MYO10: variants seen among roughly 807,000 people sequenced by gnomAD.
The protein encoded by MYO10 is unconventional myosin-X.
A neutral mutation model predicts 257.3 loss-of-function variants in MYO10; 133 were observed. That is an observed-to-expected ratio of 0.52 (90% CI 0.45 to 0.60). The LOEUF (loss-of-function observed/expected upper bound fraction) is 0.60, where lower values mean the gene tolerates loss of function less well. Ranked by LOEUF, MYO10 falls within the 20% of genes least tolerant of loss-of-function variation. The pLI is 0.00. For synonymous variants in MYO10, 1,104 were observed against 1,028.6 expected, an observed-to-expected ratio of 1.07 and a Z score of -1.40; for missense variants, 2,399 against 2,635.7, an observed-to-expected ratio of 0.91 and a Z score of 1.97.
At chr5:16,726,052 C>T (rs1370088871) in intron 19 of MYO10, among the ~76,000 whole-genome samples, 1 of 152,296 alleles carries the variant, frequency 6.6e-6, no homozygotes, top group Admixed American at 6.5e-5. Context: ...TCCCAAAGTG[C>T]TGGGATTACA....
intron 17 of MYO10, among the ~76,000 whole-genome samples, chr5:16,760,703 ACG>A (rs1442099197): frequency 6.6e-6 from 1 of 152,096 alleles, no homozygotes. Flanking sequence ...CAGCTTAACC[ACG>A]CAGCTCTAAG....
At chr5:16,850,255 T>C (rs566404369) in intron 2 of MYO10, among the ~76,000 whole-genome samples, 5 of 152,166 alleles carry the variant, frequency 3.3e-5, no homozygotes, top group Non-Finnish European at 5.9e-5. Context: ...CACTCCAACC[T>C]CCAGTTGCTT....
chr5:16,689,796 T>TA, intron 28 of MYO10, 28 bp downstream of exon 28: 1 of 1,549,632 alleles, frequency 6.5e-7, no homozygotes, highest in Non-Finnish European at 8.9e-7. Context: ...AGGATGTGGG[T>TA]AACACAAAGT....
chr5:16,789,634 T>TA (rs1246774660), intron 4 of MYO10, among the ~76,000 whole-genome samples: 4 of 151,636 alleles, frequency 2.6e-5, no homozygotes, highest in South Asian at 2.1e-4. Flanking sequence ...AAAAATACGA[T>TA]AAAAAAAAGT....
chr5:16,933,090 A>C (rs1746333982), intron 1 of MYO10, among the ~76,000 whole-genome samples: 1 of 152,232 alleles, frequency 6.6e-6, no homozygotes. Context: ...AGCGCAGACA[A>C]GGCTGTGCCT....
intron 36 of MYO10, among the ~76,000 whole-genome samples, chr5:16,673,474 T>A (rs950968303): frequency 3.9e-5 from 6 of 152,310 alleles, no homozygotes; most frequent in Non-Finnish European, 4.4e-5. Context: ...AGGTACTTTA[T>A]CTCTGTGTTT....
At position 16,762,533 on chromosome 5, in the gene MYO10, G is replaced by T. The variant is rs768503074; in HGVS notation, c.1587+12C>A. The T allele has an allele frequency of 1.1e-5, 17 of 1,583,242 alleles. No individual in the cohort carries two copies. In the Middle Eastern group the frequency reaches 6.6e-4, roughly 62 times the overall value. On this transcript the variant is annotated intron_variant, in intron 15 of 40. Coordinates refer to ENST00000513610, the MANE Select transcript of MYO10 (RefSeq NM_012334.3). ...ACTCCAATGTGATGAAGAATTGCAG[G>T]TTTTGACATACCGCATGCTGACTGT...
chr5:16,753,962 T>C (rs1026854232), intron 19 of MYO10, among the ~76,000 whole-genome samples: 2 of 152,206 alleles, frequency 1.3e-5, no homozygotes, highest in African/African-American at 4.8e-5. Flanking sequence ...GAGGATGGCA[T>C]CTAGTTCTTT....
intron 1 of MYO10, among the ~76,000 whole-genome samples, chr5:16,903,298 G>C (rs374498965): frequency 2.0e-5 from 3 of 152,186 alleles, no homozygotes; most frequent in South Asian, 2.1e-4. Context: ...CTAGCAACTC[G>C]GGAGGCTGAG....
Position 16,884,827 on chromosome 5 carries a change from G to A in MYO10, c.22-7120C>T, listed in dbSNP as rs556519399. 7.9e-5 allele frequency among the ~76,000 whole-genome samples: 12 copies of A among 152,244 alleles called. No individual in the cohort carries two copies. The South Asian group carries it at 2.5e-3, about 32-fold the overall frequency. ...TCGGTGCTATTGACATTGTGGACTA[G>A]ATGATTCTTTGTTGGGGACTGCAGG... On this transcript the variant is annotated intron_variant, in intron 1 of 40. Transcript: ENST00000513610.
intron 4 of MYO10, among the ~76,000 whole-genome samples, chr5:16,790,798 G>A (rs938796041): frequency 6.6e-6 from 1 of 151,748 alleles, no homozygotes; most frequent in South Asian, 2.1e-4. Flanking sequence ...TGGCCTATAC[G>A]GTGTATGAAA....
rs530973560 is a variant in MYO10, at chr5:16,775,660, T to G, written c.930+3885A>C. Among the ~76,000 whole-genome samples the G allele has an allele frequency of 1.1e-4, 16 of 152,222 alleles. No individual in the cohort carries two copies. In the East Asian group the frequency reaches 1.4e-3, roughly 13 times the overall value. On this transcript the variant is annotated intron_variant, in intron 9 of 40. Coordinates refer to ENST00000513610, the MANE Select transcript of MYO10 (RefSeq NM_012334.3). ...CTCTGTCGCCCAGGCTGGAGTGCAGTGGCGCGATCTCAGCTCACTGCAACC... is the reference window on the plus strand; with the variant it reads ...CTCTGTCGCCCAGGCTGGAGTGCAGGGGCGCGATCTCAGCTCACTGCAACC...
At position 16,701,881 on chromosome 5, in the gene MYO10, A is replaced by G. The variant is rs777944089; in HGVS notation, c.2557-43T>C. 8 of 1,542,874 alleles carry G rather than the reference A, an allele frequency of 5.2e-6. No individual in the cohort carries two copies. The highest frequency in any genetic ancestry group is 2.2e-5 in the East Asian group (1 of 44,488). ...GGAGATTTCAGAAGGCTTCAGTACA[A>G]AAGTCCAAGCATAGCTCCCGCTTTG... On this transcript the variant is annotated intron_variant, in intron 24 of 40. Transcript: ENST00000513610. This position sits in a 1 kb window ranked among gnomAD's most constrained non-coding sequence, Gnocchi z 8.1.
At chr5:16,928,924 C>G (rs1332741003) in intron 1 of MYO10, among the ~76,000 whole-genome samples, 1 of 151,056 alleles carries the variant, frequency 6.6e-6, no homozygotes, top group East Asian at 2.0e-4. Flanking sequence ...CCAAAAAAAG[C>G]AAATCAAATA....
At chr5:16,920,096 C>T (rs543661274) in intron 1 of MYO10, among the ~76,000 whole-genome samples, 29 of 150,474 alleles carry the variant, frequency 1.9e-4, no homozygotes, top group Non-Finnish European at 2.8e-4. Context: ...GGCAACAGAG[C>T]GACATTCAGT....
chr5:16,842,182 A>C (rs908191831), intron 2 of MYO10, among the ~76,000 whole-genome samples: 2 of 152,174 alleles, frequency 1.3e-5, no homozygotes, highest in African/African-American at 4.8e-5. Context: ...CGCAGTTTAG[A>C]TATGTGTAAT....
rs1436705409 is a variant in MYO10, at chr5:16,856,655, G to C, written c.120+20954C>G. Among the ~76,000 whole-genome samples the C allele has an allele frequency of 1.9e-4, 29 of 152,066 alleles. 1 individual carries two copies. The highest frequency in any genetic ancestry group is 1.9e-3 in the Admixed American group (29 of 15,270). On this transcript the variant is annotated intron_variant, in intron 2 of 40. Transcript: ENST00000513610. ...AAGAAGGGAGGTGGAGTCTACAGAT[G>C]GGGCCTCTTGTCTTAGAGAGTCTTG...
intron 1 of MYO10, among the ~76,000 whole-genome samples, chr5:16,892,466 C>A (rs1468290301): frequency 6.6e-6 from 1 of 152,002 alleles, no homozygotes; most frequent in East Asian, 1.9e-4. Context: ...CATGGTGAGA[C>A]CCCCGTCACT....
At chr5:16,882,749 C>T (rs747412398) in intron 1 of MYO10, among the ~76,000 whole-genome samples, 2 of 151,960 alleles carry the variant, frequency 1.3e-5, no homozygotes, top group South Asian at 2.1e-4. Flanking sequence ...GAGCTGGGTG[C>T]GGGAGGGACA....
Sources: allele counts gnomAD v4.1 joint callset (sites outside exome capture counted in the v4.1 genomes callset), GRCh38; gene constraint gnomAD v4.1.1; non-coding constraint Gnocchi (gnomAD v3.1); transcripts MANE v1.5; gene names NCBI Gene and HGNC (gene_info 2026-07-23, HGNC 2026-07-21).